Variants in INVS observed in about 807,000 individuals in gnomAD.
The protein encoded by INVS is inversin.
Under a neutral mutation model 108.8 loss-of-function variants are expected in INVS, and 86 were observed. That is an observed-to-expected ratio of 0.79 (90% CI 0.66 to 0.95). The LOEUF (loss-of-function observed/expected upper bound fraction) is 0.95. Ranked by LOEUF, INVS falls within the 40% of genes least tolerant of loss-of-function variation. INVS has a pLI of 0.00. For synonymous variants in INVS, 455 were observed against 473.5 expected (o/e 0.96, Z 0.51); for missense variants, 1,169 against 1,297.4 (o/e 0.90, Z 1.52).
At chr9:100,253,334 G>C (rs1350353169) in intron 10 of INVS, among the ~76,000 whole-genome samples, 198 bp downstream of exon 10, 1 of 151,616 alleles carries the variant, frequency 6.6e-6, no homozygotes, top group Admixed American at 6.6e-5. Context: ...TATAATATAG[G>C]CTGGGAATAA....
intron 12 of INVS, among the ~76,000 whole-genome samples, chr9:100,281,217 GCT>G (rs796893397): frequency 2.4e-4 from 37 of 152,276 alleles, no homozygotes; most frequent in African/African-American, 8.4e-4. Context: ...TTCTATCTTG[GCT>G]CTGTCTGTAG....
chr9:100,195,543 A>G (rs1488171157), intron 3 of INVS, among the ~76,000 whole-genome samples: 2 of 151,802 alleles, frequency 1.3e-5, no homozygotes, highest in Non-Finnish European at 2.9e-5. Context: ...GCTGGAGTGC[A>G]GTGATGTGAT....
intron 3 of INVS, among the ~76,000 whole-genome samples, chr9:100,211,265 T>C (rs1830823934): frequency 6.6e-6 from 1 of 152,088 alleles, no homozygotes; most frequent in South Asian, 2.1e-4. Flanking sequence ...TAAATCAGAG[T>C]ACCTCACAAG....
At chr9:100,101,800 A>T (rs1199421143) in intron 1 of INVS, 1 of 152,204 alleles carries the variant, frequency 6.6e-6, no homozygotes, top group African/African-American at 2.4e-5. Context: ...ACTGGAGCTG[A>T]TTAACAGCTG....
At chr9:100,256,741 A>T (rs1832433573) in intron 10 of INVS, among the ~76,000 whole-genome samples, 1 of 152,164 alleles carries the variant, frequency 6.6e-6, no homozygotes, top group Non-Finnish European at 1.5e-5. Context: ...TGAGTTTCTT[A>T]ATCCTGAGTT....
In INVS at chr9:100,292,795, A is replaced by G. The variant is rs1833665902; in HGVS notation, c.2538A>G (p.Ser846=). The change falls in exon 14 of 17, where the codon TCA becomes TCG. Residue 846 remains serine, a synonymous_variant. Transcript: ENST00000262457. ...TQAKLTGGLY[S]HLPQSTEELR... is the part of the protein sequence containing the mutation. ...CCAAGCTCACAGGAGGGCTCTATTC[A>G]CATTTGCCACAGAGCACAGAGGAGT... The G allele has an allele frequency of 1.9e-6, 3 of 1,614,006 alleles. No homozygotes were observed. The highest frequency in any genetic ancestry group is 1.7e-6 in the Non-Finnish European group (2 of 1,180,030).
chr9:100,100,568 G>GTA (rs1307598167), intron 1 of INVS, among the ~76,000 whole-genome samples: 2 of 96,748 alleles, frequency 2.1e-5, no homozygotes, highest in Non-Finnish European at 4.1e-5. Context: ...GAAGTAAAAA[G>GTA]TATATATATA....
chr9:100,259,455 G>A (rs1327996913), intron 10 of INVS, among the ~76,000 whole-genome samples: 3 of 152,086 alleles, frequency 2.0e-5, no homozygotes, highest in Admixed American at 6.5e-5. Flanking sequence ...AGATGAACCC[G>A]GTACCTCAGT....
intron 3 of INVS, among the ~76,000 whole-genome samples, chr9:100,160,418 GA>G (rs1829133509): frequency 6.6e-6 from 1 of 152,182 alleles, no homozygotes; most frequent in African/African-American, 2.4e-5. Context: ...ATGTCTAATT[GA>G]CTGTCTTCCC....
intron 3 of INVS, among the ~76,000 whole-genome samples, chr9:100,136,591 A>G (rs75052313): frequency 0.024 from 3,720 of 152,282 alleles, 74 homozygotes; most frequent in Non-Finnish European, 0.035. Context: ...AGGTCTATAC[A>G]TTGTATTTGG....
intron 3 of INVS, among the ~76,000 whole-genome samples, chr9:100,208,461 C>A (rs578126021): frequency 6.6e-6 from 1 of 152,290 alleles, no homozygotes; most frequent in South Asian, 2.1e-4. Flanking sequence ...TTCCCACCAT[C>A]TAAGAAATCC....
intron 3 of INVS, 150 bp from the exon 4 acceptor site, chr9:100,225,912 A>G (rs1588103006): frequency 8.4e-6 from 5 of 595,514 alleles, no homozygotes; most frequent in East Asian, 5.7e-5. Flanking sequence ...AATTGATAGT[A>G]TAGTGGAATT....
chr9:100,183,711 A>G (rs1029063898), intron 3 of INVS, among the ~76,000 whole-genome samples: 1 of 144,180 alleles, frequency 6.9e-6, no homozygotes, highest in Admixed American at 7.2e-5. Flanking sequence ...GAATTGCTTG[A>G]GTCCAGGAGG....
intron 3 of INVS, among the ~76,000 whole-genome samples, chr9:100,147,211 T>C (rs969231577): frequency 6.6e-6 from 1 of 152,216 alleles, no homozygotes; most frequent in African/African-American, 2.4e-5. Context: ...TGTAGACCTC[T>C]ATAGGCCCTC....
intron 7 of INVS, among the ~76,000 whole-genome samples, chr9:100,243,996 G>A (rs1287785111): frequency 6.6e-6 from 1 of 152,116 alleles, no homozygotes. Flanking sequence ...GGGCGACAGA[G>A]CAAGACTTCA....
intron 2 of INVS, chr9:100,117,510 G>A (rs1827574348): frequency 3.5e-6 from 3 of 856,750 alleles, no homozygotes; most frequent in East Asian, 2.5e-5. Flanking sequence ...CCCGGGCCCC[G>A]TCCACGGCCG....
chr9:100,248,522 A>G (rs1320306133), intron 8 of INVS, among the ~76,000 whole-genome samples: 1 of 151,822 alleles, frequency 6.6e-6, no homozygotes, highest in East Asian at 1.9e-4. Context: ...ATAGCAATGT[A>G]TGGACATTAT....
At chr9:100,174,200 A>G (rs899589596) in intron 3 of INVS, among the ~76,000 whole-genome samples, 1 of 152,204 alleles carries the variant, frequency 6.6e-6, no homozygotes, top group African/African-American at 2.4e-5. Context: ...AACTCTGCTT[A>G]AGGATGCAAA....
intron 2 of INVS, among the ~76,000 whole-genome samples, chr9:100,125,830 C>T (rs745746529): frequency 3.9e-5 from 6 of 151,992 alleles, no homozygotes; most frequent in East Asian, 1.9e-4. Context: ...GGATTACAGG[C>T]GCCCGCCACC....
Sources: gnomAD v4.1 joint callset for allele counts (sites outside exome capture counted in the v4.1 genomes callset) on GRCh38, gnomAD v4.1.1 for gene constraint, MANE v1.5 for transcripts, NCBI Gene and HGNC (gene_info 2026-07-23, HGNC 2026-07-21) for gene names.